Variants in RAPGEF6 observed in about 807,000 individuals in gnomAD.
RAPGEF6 encodes the protein PDZ domain containing guanine nucleotide exchange factor (GEF) 2.
Under a neutral mutation model 171.4 loss-of-function variants are expected in RAPGEF6, and 56 were observed. The observed-to-expected ratio is 0.33, with a 90% CI of 0.26 to 0.41. RAPGEF6 has a LOEUF of 0.41. Among genes scored for constraint, RAPGEF6 ranks in the 10% least tolerant of loss-of-function variants. The probability of loss-of-function intolerance (pLI) is 1.00; values close to 1 mark genes in which losing one functional copy is unlikely to be tolerated. For missense variants in RAPGEF6, 1,674 were observed against 1,921.4 expected, an observed-to-expected ratio of 0.87 and a Z score of 2.41; for synonymous variants, 692 against 650.1, an observed-to-expected ratio of 1.06 and a Z score of -0.98.
chr5:131,484,163 AC>A (rs1755703773), intron 15 of RAPGEF6, among the ~76,000 whole-genome samples: 1 of 150,264 alleles, frequency 6.7e-6, no homozygotes, highest in Non-Finnish European at 1.5e-5. Context: ...GCTCAACCTT[AC>A]TTGTTATTAA....
intron 14 of RAPGEF6, 113 bp downstream of exon 14, chr5:131,492,469 G>A: frequency 9.9e-7 from 1 of 1,006,814 alleles, no homozygotes; most frequent in Non-Finnish European, 1.5e-6. Context: ...CTAAAAAAAG[G>A]CTCAGAAAAA....
intron 7 of RAPGEF6, among the ~76,000 whole-genome samples, chr5:131,510,729 A>G (rs1195571884): frequency 1.3e-5 from 2 of 152,248 alleles, no homozygotes; most frequent in African/African-American, 4.8e-5. Context: ...CAGTAAATGT[A>G]AAATGGTCAG....
chr5:131,603,519 G>C (rs1350482521), intron 2 of RAPGEF6, among the ~76,000 whole-genome samples, 192 bp from the exon 3 acceptor site: 3 of 151,794 alleles, frequency 2.0e-5, no homozygotes, highest in Non-Finnish European at 4.4e-5. Context: ...CAATAATATA[G>C]GTAATATTCA....
At chr5:131,427,333 T>C in intron 27 of RAPGEF6, 42 bp from the exon 28 acceptor site, 1 of 1,484,308 alleles carries the variant, frequency 6.7e-7, no homozygotes, top group South Asian at 1.2e-5. Context: ...GATCAGCATA[T>C]TAATGAGATC....
At chr5:131,497,740 T>C (rs31252) in intron 12 of RAPGEF6, among the ~76,000 whole-genome samples, 86,556 of 152,130 alleles carry the variant, frequency 0.57, 28,882 homozygotes, top group Non-Finnish European at 0.76. Context: ...TACCTGCAAC[T>C]AGTTTATTTC....
chr5:131,450,354 C>A (rs953264394), intron 21 of RAPGEF6, among the ~76,000 whole-genome samples: 2 of 152,006 alleles, frequency 1.3e-5, no homozygotes, highest in African/African-American at 4.8e-5. Flanking sequence ...CATTTACTTA[C>A]TATAATATAA....
chr5:131,518,738 A>C (rs568368179), intron 7 of RAPGEF6, among the ~76,000 whole-genome samples: 1 of 152,060 alleles, frequency 6.6e-6, no homozygotes, highest in South Asian at 2.1e-4. Flanking sequence ...ACTCTTAAAA[A>C]ATTTTATCTT....
intron 6 of RAPGEF6, among the ~76,000 whole-genome samples, chr5:131,532,438 A>G (rs1055514404): frequency 2.0e-5 from 3 of 152,202 alleles, no homozygotes; most frequent in East Asian, 1.9e-4. Context: ...TGGCACAGAC[A>G]TGCAGAGTGG....
intron 24 of RAPGEF6, chr5:131,435,832 T>A (rs1226651324): frequency 7.1e-7 from 1 of 1,416,340 alleles, no homozygotes; most frequent in Admixed American, 2.9e-5. Context: ...TTTTCAAGTG[T>A]TTATAAATAG....
chr5:131,587,657 T>C (rs138270982), intron 4 of RAPGEF6, among the ~76,000 whole-genome samples: 77 of 152,336 alleles, frequency 5.1e-4, no homozygotes, highest in African/African-American at 1.8e-3. Flanking sequence ...TTAAAGGATA[T>C]TGAAACGACT....
At chr5:131,493,191 A>G (rs1321526755) in intron 13 of RAPGEF6, among the ~76,000 whole-genome samples, 1 of 151,970 alleles carries the variant, frequency 6.6e-6, no homozygotes, top group African/African-American at 2.4e-5. Context: ...CAGCCTCCCG[A>G]GTAGCTGGGA....
At chr5:131,430,310 C>T (rs1354052781) in intron 26 of RAPGEF6, among the ~76,000 whole-genome samples, 1 of 151,500 alleles carries the variant, frequency 6.6e-6, no homozygotes, top group South Asian at 2.1e-4. Flanking sequence ...TATTTGATGG[C>T]CAAATACTAA....
intron 16 of RAPGEF6, among the ~76,000 whole-genome samples, chr5:131,473,678 C>A (rs904018877): frequency 9.2e-5 from 14 of 151,894 alleles, no homozygotes; most frequent in African/African-American, 3.1e-4. Context: ...CTATACATAC[C>A]AACAGAAGTA....
intron 1 of RAPGEF6, among the ~76,000 whole-genome samples, chr5:131,615,614 A>G (rs1482855423): frequency 1.3e-5 from 2 of 152,164 alleles, no homozygotes; most frequent in African/African-American, 4.8e-5. Flanking sequence ...TTCAAGAGGG[A>G]AGTCGGCTGG....
chr5:131,494,060 T>C (rs1390802288), intron 13 of RAPGEF6, among the ~76,000 whole-genome samples: 1 of 152,224 alleles, frequency 6.6e-6, no homozygotes, highest in African/African-American at 2.4e-5. Context: ...TTACAGCTCT[T>C]GAGCATTTGC....
rs1751680867 is a variant in RAPGEF6, at chr5:131,431,197, A to G, written c.4127T>C (p.Phe1376Ser). 1 of 1,614,058 alleles carries G rather than the reference A, an allele frequency of 6.2e-7. No individual in the cohort carries two copies. Among genetic ancestry groups the G allele is most frequent in the South Asian group, 1.1e-5 (1 of 91,092 alleles). ...TSCSSSSHDNFQSLPNPKSWD... is the reference protein window; with the variant it reads ...TSCSSSSHDNSQSLPNPKSWD... ...GCTTTTTGGGTTTGGAAGGCTTTGG[A>G]AGTTGTCATGGGAGCTGCTTGAACA... The change falls in exon 26 of 28, where the codon TTC becomes TCC. Residue 1376 changes from phenylalanine (F) to serine (S), a missense_variant. Transcript: ENST00000509018.
At chr5:131,495,037 G>A (rs78083590) in intron 13 of RAPGEF6, among the ~76,000 whole-genome samples, 1 of 152,146 alleles carries the variant, frequency 6.6e-6, no homozygotes, top group Admixed American at 6.5e-5. Flanking sequence ...TCAGACGCCT[G>A]TAATCTCAGC....
At chr5:131,599,477 A>G (rs1462241433) in intron 3 of RAPGEF6, among the ~76,000 whole-genome samples, 1 of 151,040 alleles carries the variant, frequency 6.6e-6, no homozygotes, top group Admixed American at 6.6e-5. Flanking sequence ...TAAACAATTG[A>G]GCAAAATAAA....
rs1011037520 is a variant in RAPGEF6 at position 131,495,077 on chromosome 5, G to A, written c.1527+476C>T. On this transcript the variant is annotated intron_variant, in intron 13 of 27. Transcript: ENST00000509018. Reference sequence around the variant, plus strand: ...TGGAAGGCCGAGGCGGGCGGATCACGAGGTCAGGAGTTTGAGACCAGCCTG... The same window carrying A: ...TGGAAGGCCGAGGCGGGCGGATCACAAGGTCAGGAGTTTGAGACCAGCCTG... Among the ~76,000 whole-genome samples the A allele has an allele frequency of 3.9e-5, 6 of 152,096 alleles. No homozygotes were observed. In the South Asian group the frequency reaches 1.2e-3, roughly 31 times the overall value.
Sources: allele counts gnomAD v4.1 joint callset (sites outside exome capture counted in the v4.1 genomes callset), GRCh38; gene constraint gnomAD v4.1.1; transcripts MANE v1.5; gene names NCBI Gene and HGNC (gene_info 2026-07-23, HGNC 2026-07-21).